Variants in PDE4D observed in about 807,000 individuals in gnomAD.
PDE4D encodes phosphodiesterase 4D.
PDE4D carries 24 observed loss-of-function variants against 87.4 expected under a neutral mutation model. That is an observed-to-expected ratio of 0.27 (90% confidence interval 0.20 to 0.39). PDE4D has a LOEUF of 0.39. PDE4D is among the 10% of genes least tolerant of loss of function. The probability of loss-of-function intolerance (pLI) is 1.00; values close to 1 mark genes in which losing one functional copy is unlikely to be tolerated. For missense variants in PDE4D, 714 were observed against 1,041.0 expected, an observed-to-expected ratio of 0.69 and a Z score of 4.32; for synonymous variants, 384 against 383.2, an observed-to-expected ratio of 1.00 and a Z score of -0.02.
At chr5:59,190,454 A>G (rs1023435077) in intron 3 of PDE4D, among the ~76,000 whole-genome samples, 2 of 152,122 alleles carry the variant, frequency 1.3e-5, no homozygotes, top group Non-Finnish European at 2.9e-5. Context: ...GCATGCTGAG[A>G]AAAGAGGGTA....
intron 1 of PDE4D, among the ~76,000 whole-genome samples, chr5:60,510,064 G>A (rs1269934181): frequency 1.3e-5 from 2 of 152,104 alleles, no homozygotes; most frequent in African/African-American, 4.8e-5. Context: ...ATAAGGAGAG[G>A]CCAGGCCTTG....
chr5:60,329,247 G>A (rs1256937858), intron 1 of PDE4D, among the ~76,000 whole-genome samples: 1 of 152,172 alleles, frequency 6.6e-6, no homozygotes, highest in Non-Finnish European at 1.5e-5. Flanking sequence ...TGAATCATGG[G>A]TGGGGGGTTA....
rs1225099989 is a variant in PDE4D at position 59,874,942 on chromosome 5, T to C, written c.455+18226A>G. On this transcript the variant is annotated intron_variant, in intron 1 of 14. Coordinates refer to ENST00000340635, the MANE Select transcript of PDE4D (RefSeq NM_001104631.2). ...GGCAGAGGTCCCATCTGAGGTCCAA[T>C]CTGATAAGTGCACAGGGTACAAAAG... 2.6e-5 allele frequency among the ~76,000 whole-genome samples: 4 copies of C among 152,318 alleles called. No individual in the cohort carries two copies. The East Asian group carries it at 7.7e-4, about 29-fold the overall frequency.
chr5:59,287,623 C>T (rs34740), intron 1 of PDE4D, among the ~76,000 whole-genome samples: 29,330 of 151,792 alleles, frequency 0.19, 3,767 homozygotes, highest in East Asian at 0.67. Context: ...CAGTGCTATG[C>T]TGGCTTCAGG....
intron 1 of PDE4D, among the ~76,000 whole-genome samples, chr5:59,871,147 A>G (rs1328138431): frequency 3.3e-5 from 5 of 152,206 alleles, no homozygotes; most frequent in African/African-American, 1.2e-4. Context: ...TGTAATTAGC[A>G]TCCTTAATCA....
intron 5 of PDE4D, among the ~76,000 whole-genome samples, chr5:59,163,662 C>G (rs1206669140): frequency 1.3e-5 from 2 of 152,220 alleles, no homozygotes; most frequent in Non-Finnish European, 2.9e-5. Context: ...ATCTTTTCCT[C>G]TTTTCCACCT....
At chr5:59,420,244 G>A (rs954150196) in intron 1 of PDE4D, among the ~76,000 whole-genome samples, 9 of 152,064 alleles carry the variant, frequency 5.9e-5, no homozygotes, top group Non-Finnish European at 1.3e-4. Context: ...TATCCCTTAA[G>A]TAATTTAACC....
chr5:59,740,855 A>G (rs935757091), intron 1 of PDE4D, among the ~76,000 whole-genome samples: 2 of 152,202 alleles, frequency 1.3e-5, no homozygotes, highest in African/African-American at 4.8e-5. Context: ...CATAGGAGGA[A>G]CAACAATAAA....
intron 1 of PDE4D, among the ~76,000 whole-genome samples, chr5:60,253,022 C>G (rs1748644770): frequency 6.6e-6 from 1 of 151,778 alleles, no homozygotes; most frequent in Non-Finnish European, 1.5e-5. Flanking sequence ...AATCACTGGA[C>G]TGAAGAAACA....
chr5:59,061,934 A>C (rs1763189011), intron 5 of PDE4D, among the ~76,000 whole-genome samples: 1 of 152,086 alleles, frequency 6.6e-6, no homozygotes, highest in African/African-American at 2.4e-5. Flanking sequence ...ACCTTCACTG[A>C]AATAGTGAAG....
chr5:59,428,829 T>A (rs1795691636), intron 1 of PDE4D, among the ~76,000 whole-genome samples: 1 of 152,152 alleles, frequency 6.6e-6, no homozygotes, highest in South Asian at 2.1e-4. Flanking sequence ...TAACTTTTTA[T>A]ATAAAATTTA....
intron 1 of PDE4D, among the ~76,000 whole-genome samples, chr5:59,227,180 T>A (rs987829864): frequency 6.6e-6 from 1 of 152,166 alleles, no homozygotes; most frequent in Non-Finnish European, 1.5e-5. Flanking sequence ...TTTCTCAAAA[T>A]GTGGCTTCAT....
intron 1 of PDE4D, among the ~76,000 whole-genome samples, chr5:59,440,085 C>A (rs1208585216): frequency 6.6e-6 from 1 of 152,144 alleles, no homozygotes; most frequent in Non-Finnish European, 1.5e-5. Flanking sequence ...GAAAGAGATT[C>A]ATTTTTTCGG....
intron 1 of PDE4D, among the ~76,000 whole-genome samples, chr5:59,286,039 T>C (rs1203092251): frequency 6.6e-6 from 1 of 152,208 alleles, no homozygotes; most frequent in Non-Finnish European, 1.5e-5. Context: ...TTGGTAAAGA[T>C]GCATTAGCAC....
chr5:59,599,408 T>A (rs296408), intron 1 of PDE4D, among the ~76,000 whole-genome samples: 67,250 of 151,082 alleles, frequency 0.45, 15,196 homozygotes, highest in South Asian at 0.57. Context: ...TTATTTATTT[T>A]TTTTTTATTT....
intron 1 of PDE4D, among the ~76,000 whole-genome samples, chr5:60,511,200 C>A (rs984613014): frequency 7.2e-5 from 11 of 152,056 alleles, no homozygotes; most frequent in African/African-American, 2.7e-4. Flanking sequence ...GAACTCCTGA[C>A]CTCAAGTGAT....
intron 1 of PDE4D, among the ~76,000 whole-genome samples, chr5:59,858,454 C>T (rs554182876): frequency 3.5e-4 from 53 of 152,032 alleles, no homozygotes; most frequent in East Asian, 5.8e-4. Flanking sequence ...CCCTCATTCA[C>T]GGGATGTCAG....
At chr5:59,740,774 TTTTAAA>T (rs1758725285) in intron 1 of PDE4D, among the ~76,000 whole-genome samples, 1 of 152,168 alleles carries the variant, frequency 6.6e-6, no homozygotes, top group African/African-American at 2.4e-5. Context: ...AACACTCTCC[TTTTAAA>T]TTAGAGGAAA....
At chr5:59,541,027 G>C (rs1816244504) in intron 1 of PDE4D, among the ~76,000 whole-genome samples, 1 of 152,052 alleles carries the variant, frequency 6.6e-6, no homozygotes. Context: ...GCTGAGTTAG[G>C]GATCTCAGAA....
Sources: gnomAD v4.1 joint callset for allele counts (sites outside exome capture counted in the v4.1 genomes callset) on GRCh38, gnomAD v4.1.1 for gene constraint, MANE v1.5 for transcripts, NCBI Gene and HGNC (gene_info 2026-07-23, HGNC 2026-07-21) for gene names.